MAST4: variants seen among roughly 807,000 people sequenced by gnomAD.
MAST4 encodes microtubule-associated serine/threonine-protein kinase 4.
MAST4 carries 89 observed loss-of-function variants against 162.7 expected under a neutral mutation model. That is an observed-to-expected ratio of 0.55 (90% CI 0.46 to 0.65). The LOEUF (loss-of-function observed/expected upper bound fraction) is 0.65, where lower values mean the gene tolerates loss of function less well. Ranked by LOEUF, MAST4 falls within the 30% of genes least tolerant of loss-of-function variation. The probability of loss-of-function intolerance (pLI) is 0.00; values close to 1 mark genes in which losing one functional copy is unlikely to be tolerated. For missense variants in MAST4, 3,153 were observed against 3,374.0 expected (o/e 0.93, Z 1.62); for synonymous variants, 1,479 against 1,361.1 (o/e 1.09, Z -1.91).
At chr5:66,723,470 TG>T (rs1321719674) in intron 1 of MAST4, among the ~76,000 whole-genome samples, 1 of 152,222 alleles carries the variant, frequency 6.6e-6, no homozygotes, top group East Asian at 1.9e-4. Context: ...GCTATGGAAC[TG>T]CTGACTTTGC....
intron 2 of MAST4, among the ~76,000 whole-genome samples, chr5:66,769,730 T>C (rs139799807): frequency 4.8e-4 from 73 of 152,318 alleles, no homozygotes; most frequent in African/African-American, 1.6e-3. Context: ...GTGTAGTCCA[T>C]TGTTGACCAA....
chr5:66,779,408 T>C (rs866502771), intron 2 of MAST4, among the ~76,000 whole-genome samples: 2 of 151,690 alleles, frequency 1.3e-5, no homozygotes, highest in Non-Finnish European at 2.9e-5. Context: ...TTTTTTTTTT[T>C]TTTTTTTTAA....
At chr5:66,870,078 T>C (rs773347437) in intron 3 of MAST4, among the ~76,000 whole-genome samples, 4 of 152,236 alleles carry the variant, frequency 2.6e-5, no homozygotes, top group Non-Finnish European at 5.9e-5. Context: ...GAAGGTGTTA[T>C]GCCTTTCCGT....
intron 1 of MAST4, among the ~76,000 whole-genome samples, chr5:66,689,952 A>G (rs556811921): frequency 1.3e-5 from 2 of 152,258 alleles, no homozygotes; most frequent in South Asian, 4.1e-4. Flanking sequence ...GGACACCTAG[A>G]CTTGGCCTCC....
intron 15 of MAST4, among the ~76,000 whole-genome samples, chr5:67,130,861 G>A (rs778985803): frequency 6.6e-6 from 1 of 152,048 alleles, no homozygotes; most frequent in Non-Finnish European, 1.5e-5. Flanking sequence ...CAGTCTTCCC[G>A]ATTTTTAGCT....
intron 4 of MAST4, chr5:66,917,308 G>C: frequency 2.9e-6 from 1 of 349,366 alleles, no homozygotes; most frequent in Non-Finnish European, 5.3e-6. Flanking sequence ...TTCTTTTTCA[G>C]TTTCTACAAA....
chr5:67,094,390 T>C (rs1764201022), intron 6 of MAST4, among the ~76,000 whole-genome samples: 1 of 152,234 alleles, frequency 6.6e-6, no homozygotes, highest in South Asian at 2.1e-4. Flanking sequence ...TTGAATTCCC[T>C]AACTTCAATT....
At position 67,152,737 on chromosome 5, in the gene MAST4, A is replaced by G; in HGVS notation, c.3396A>G (p.Ser1132=). 1 of 1,614,020 alleles carries G rather than the reference A, an allele frequency of 6.2e-7. No individual in the cohort carries two copies. The highest frequency in any genetic ancestry group is 8.5e-7 in the Non-Finnish European group (1 of 1,179,888). ...SRDSSPSRDS[S]AASASPHQPI... ...ATTCCTCTCCCAGCCGAGATTCCTC[A>G]GCAGCTTCTGCCAGTCCACATCAGC... The change falls in exon 25 of 29, where the codon TCA becomes TCG. Residue 1132 remains serine, a synonymous_variant. Transcript: ENST00000403625.
intron 6 of MAST4, among the ~76,000 whole-genome samples, chr5:67,091,977 A>C (rs575943751): frequency 6.6e-6 from 1 of 152,180 alleles, no homozygotes; most frequent in Non-Finnish European, 1.5e-5. Context: ...TTAAATTGTT[A>C]TTCAAGTAAA....
At chr5:67,070,819 A>G (rs1760867920) in intron 5 of MAST4, among the ~76,000 whole-genome samples, 1 of 152,176 alleles carries the variant, frequency 6.6e-6, no homozygotes, top group South Asian at 2.1e-4. Context: ...ACCTTCCTGG[A>G]CTGCATACCC....
At chr5:66,605,225 C>T (rs1162507400) in intron 1 of MAST4, among the ~76,000 whole-genome samples, 1 of 152,050 alleles carries the variant, frequency 6.6e-6, no homozygotes, top group African/African-American at 2.4e-5. Flanking sequence ...TCTGAGGATA[C>T]TTAGATGCAG....
intron 3 of MAST4, among the ~76,000 whole-genome samples, chr5:66,821,742 C>T (rs1232218303): frequency 6.6e-6 from 1 of 152,172 alleles, no homozygotes; most frequent in Admixed American, 6.5e-5. Context: ...GCTTTGCTGT[C>T]TGACTTGGGT....
intron 3 of MAST4, among the ~76,000 whole-genome samples, chr5:66,845,449 C>G (rs1019277919): frequency 1.3e-5 from 2 of 151,882 alleles, no homozygotes; most frequent in South Asian, 2.1e-4. Flanking sequence ...TGAACTCATC[C>G]TTTTTTATGG....
chr5:67,063,314 A>C (rs1445384937), intron 5 of MAST4, among the ~76,000 whole-genome samples: 3 of 152,194 alleles, frequency 2.0e-5, no homozygotes, highest in Admixed American at 6.5e-5. Flanking sequence ...GCTTTGTGTC[A>C]AGTCAATAAT....
At chr5:66,804,296 C>G (rs917064364) in intron 3 of MAST4, among the ~76,000 whole-genome samples, 5 of 152,094 alleles carry the variant, frequency 3.3e-5, no homozygotes, top group Admixed American at 6.5e-5. Flanking sequence ...TCACAATTCC[C>G]CAGTGGCATG....
chr5:66,847,053 A>G (rs965377345), intron 3 of MAST4, among the ~76,000 whole-genome samples: 1 of 152,156 alleles, frequency 6.6e-6, no homozygotes, highest in East Asian at 1.9e-4. Flanking sequence ...TAATTAGGAA[A>G]TACGTAGCCT....
intron 14 of MAST4, among the ~76,000 whole-genome samples, chr5:67,123,113 T>A (rs1035821264): frequency 4.6e-5 from 7 of 152,150 alleles, no homozygotes; most frequent in Non-Finnish European, 8.8e-5. Flanking sequence ...AACAAATGTA[T>A]CCCGCCACGG....
chr5:66,970,596 G>T (rs558244905), intron 4 of MAST4, among the ~76,000 whole-genome samples: 1 of 152,200 alleles, frequency 6.6e-6, no homozygotes, highest in Non-Finnish European at 1.5e-5. Flanking sequence ...TGTCATGATG[G>T]TTTGTGTTTT....
intron 1 of MAST4, among the ~76,000 whole-genome samples, chr5:66,615,075 T>A (rs1743581468): frequency 6.6e-6 from 1 of 152,204 alleles, no homozygotes; most frequent in Admixed American, 6.5e-5. Context: ...AAGTTGAGGC[T>A]CCTCTCAGTT....
Sources: gnomAD v4.1 joint callset for allele counts (sites outside exome capture counted in the v4.1 genomes callset) on GRCh38, gnomAD v4.1.1 for gene constraint, MANE v1.5 for transcripts, NCBI Gene and HGNC (gene_info 2026-07-23, HGNC 2026-07-21) for gene names.